The following ARIH1 variants were observed in gnomAD, a reference collection of about 807,000 sequenced individuals.
ARIH1 encodes the protein E3 ubiquitin-protein ligase ARIH1.
ARIH1 carries 8 observed loss-of-function variants against 85.0 expected under a neutral mutation model. The observed-to-expected ratio is 0.09, with a 90% CI of 0.06 to 0.17. The LOEUF (loss-of-function observed/expected upper bound fraction) is 0.17. ARIH1 is among the 10% of genes least tolerant of loss of function. The pLI is 1.00. For synonymous variants in ARIH1, 238 were observed against 253.6 expected (o/e 0.94, Z 0.59); for missense variants, 311 against 718.1 (o/e 0.43, Z 6.48).
At chr15:72,503,166 A>G (rs2063910631) in intron 1 of ARIH1, among the ~76,000 whole-genome samples, 2 of 152,192 alleles carry the variant, frequency 1.3e-5, no homozygotes, top group South Asian at 2.1e-4. Context: ...AGTTGTGACA[A>G]TTATAATATA....
intron 2 of ARIH1, among the ~76,000 whole-genome samples, chr15:72,541,160 G>A (rs891865724): frequency 1.2e-4 from 18 of 152,162 alleles, no homozygotes; most frequent in African/African-American, 3.6e-4. Context: ...TGTATCAAGC[G>A]AATGAGCTAC....
intron 5 of ARIH1, among the ~76,000 whole-genome samples, chr15:72,557,116 T>C: frequency 6.6e-6 from 1 of 152,114 alleles, no homozygotes. Context: ...AAATTATTTT[T>C]TGTTTAATTT....
Position 72,589,000 on chromosome 15 carries a change from A to G in ARIH1, c.*5708A>G, listed in dbSNP as rs972264996. On this transcript the variant is annotated 3_prime_UTR_variant, in exon 14 of 14. Coordinates refer to ENST00000379887, the MANE Select transcript of ARIH1 (RefSeq NM_005744.5). The stretch of plus-strand genomic sequence containing the variant: ...TCTATCATTCTTTTGATAATCTTGT[A>G]TTTTTATTTCAAGTGTGGTATAGTA... The G allele has an allele frequency of 3.9e-5, 6 of 152,116 alleles. No individual in the cohort carries two copies. Among genetic ancestry groups the G allele is most frequent in the African/African-American group, 1.4e-4 (6 of 41,426 alleles). 9.4% of individuals were successfully genotyped at this position (152,116 alleles called of 1,614,324 possible).
chr15:72,550,003 A>G (rs1246672289), intron 3 of ARIH1, among the ~76,000 whole-genome samples: 1 of 152,218 alleles, frequency 6.6e-6, no homozygotes, highest in East Asian at 1.9e-4. Flanking sequence ...AAAGGGAAGT[A>G]AGACAGACAG....
At chr15:72,540,146 T>TA (rs1282955534) in intron 2 of ARIH1, among the ~76,000 whole-genome samples, 2 of 150,088 alleles carry the variant, frequency 1.3e-5, no homozygotes, top group Non-Finnish European at 3.0e-5. Context: ...TAGTCCCAGG[T>TA]ACTTGGGAGG....
chr15:72,552,590 C>T (rs917038704), intron 3 of ARIH1, among the ~76,000 whole-genome samples: 13 of 151,830 alleles, frequency 8.6e-5, no homozygotes, highest in African/African-American at 2.7e-4. Context: ...GTGCCCAGCC[C>T]TATTGGATTT....
chr15:72,558,865 T>A (rs1410343374), intron 5 of ARIH1, among the ~76,000 whole-genome samples: 1 of 152,192 alleles, frequency 6.6e-6, no homozygotes, highest in Non-Finnish European at 1.5e-5. Context: ...CTATCAGAAA[T>A]CATTAGGGTT....
intron 12 of ARIH1, 109 bp downstream of exon 12, chr15:72,581,100 T>G: frequency 8.8e-7 from 1 of 1,129,982 alleles, no homozygotes; most frequent in Non-Finnish European, 1.3e-6. Context: ...TCAGAACATG[T>G]AGGTAGACGA....
At chr15:72,499,922 C>T (rs1362882889) in intron 1 of ARIH1, among the ~76,000 whole-genome samples, 2 of 152,126 alleles carry the variant, frequency 1.3e-5, no homozygotes, top group African/African-American at 2.4e-5. Context: ...TTTTTCCCCC[C>T]TGCAACACTC....
At chr15:72,485,486 C>G (rs73444714) in intron 1 of ARIH1, among the ~76,000 whole-genome samples, 5,825 of 151,880 alleles carry the variant, frequency 0.038, 335 homozygotes, top group African/African-American at 0.13. Flanking sequence ...TAACAGTGAG[C>G]TATTTTTGTG....
At chr15:72,556,494 A>G (rs1384342055) in intron 5 of ARIH1, among the ~76,000 whole-genome samples, 2 of 152,190 alleles carry the variant, frequency 1.3e-5, no homozygotes, top group African/African-American at 4.8e-5. Context: ...CTTTGCTGAA[A>G]CACTGCTGCT....
At chr15:72,557,462 G>A (rs570571861) in intron 5 of ARIH1, among the ~76,000 whole-genome samples, 1 of 152,022 alleles carries the variant, frequency 6.6e-6, no homozygotes, top group Non-Finnish European at 1.5e-5. Flanking sequence ...TTTGTTGGGT[G>A]TATAATTTTT....
chr15:72,543,641 G>A (rs910230148), intron 2 of ARIH1, among the ~76,000 whole-genome samples: 2 of 152,074 alleles, frequency 1.3e-5, no homozygotes, highest in Admixed American at 1.3e-4. Context: ...AGATATAGTA[G>A]CCTTTGACAC....
intron 2 of ARIH1, among the ~76,000 whole-genome samples, chr15:72,526,610 A>G (rs2064029527): frequency 6.6e-6 from 1 of 152,162 alleles, no homozygotes; most frequent in African/African-American, 2.4e-5. Flanking sequence ...GTGTGCCTGC[A>G]GTGCTGCCTA....
At chr15:72,519,475 G>GTTTTTTTTTTTTT (rs150165121) in intron 2 of ARIH1, among the ~76,000 whole-genome samples, 2 of 62,572 alleles carry the variant, frequency 3.2e-5, no homozygotes, top group East Asian at 4.9e-4. Context: ...TGTTTTTTTT[G>GTTTTTTTTTTTTT]TTTTTTTTTT....
rs2064329259 is a variant in ARIH1, at chr15:72,588,933, G to C, written c.*5641G>C. On this transcript the variant is annotated 3_prime_UTR_variant, in exon 14 of 14. Transcript: ENST00000379887. ...CATTAAAGCTAGTTGCGTCAAGTCT[G>C]CACAATTCCACGAGCACTTAAGAGT... is the stretch of plus-strand genomic sequence containing the variant. The C allele has an allele frequency of 6.6e-6, 1 of 152,172 alleles. No individual in the cohort carries two copies. Among genetic ancestry groups the C allele is most frequent in the Non-Finnish European group, 1.5e-5 (1 of 68,030 alleles). The allele number at this position is 152,172 out of a possible 1,614,324, so 9.4% of individuals were successfully genotyped here.
chr15:72,512,012 G>A (rs1595857315), intron 1 of ARIH1, among the ~76,000 whole-genome samples: 4 of 152,242 alleles, frequency 2.6e-5, no homozygotes, highest in Non-Finnish European at 4.4e-5. Flanking sequence ...ATCCCAGGAC[G>A]AACCCCACTT....
At chr15:72,536,646 T>C (rs956001417) in intron 2 of ARIH1, among the ~76,000 whole-genome samples, 2 of 152,150 alleles carry the variant, frequency 1.3e-5, no homozygotes, top group African/African-American at 2.4e-5. Context: ...AATTCTGTTA[T>C]GGTTTTGCGA....
intron 1 of ARIH1, among the ~76,000 whole-genome samples, chr15:72,494,613 G>A (rs2063872411): frequency 6.6e-6 from 1 of 152,050 alleles, no homozygotes; most frequent in Admixed American, 6.6e-5. Context: ...AGGACTACGT[G>A]AAACAACTTT....
Sources: gnomAD v4.1 joint callset for allele counts (sites outside exome capture counted in the v4.1 genomes callset) on GRCh38, gnomAD v4.1.1 for gene constraint, MANE v1.5 for transcripts, NCBI Gene and HGNC (gene_info 2026-07-23, HGNC 2026-07-21) for gene names.